ANAPC4: variants seen among roughly 807,000 people sequenced by gnomAD.
ANAPC4 encodes anaphase promoting complex subunit 4, also known as anaphase-promoting complex subunit 4.
A neutral mutation model predicts 119.8 loss-of-function variants in ANAPC4; 63 were observed. The ratio of observed to expected loss-of-function variants is 0.53; its 90% CI spans 0.43 to 0.65. The LOEUF (loss-of-function observed/expected upper bound fraction) is 0.65. Among genes scored for constraint, ANAPC4 ranks in the 30% least tolerant of loss-of-function variants. ANAPC4 has a pLI of 0.00. For missense variants in ANAPC4, 716 were observed against 945.1 expected (o/e 0.76, Z 3.18); for synonymous variants, 283 against 318.6 (o/e 0.89, Z 1.19).
intron 22 of ANAPC4, 46 bp downstream of exon 22, chr4:25,413,788 C>A: frequency 7.1e-7 from 1 of 1,403,806 alleles, no homozygotes; most frequent in Non-Finnish European, 1.0e-6. Flanking sequence ...GCAATAGTGT[C>A]TACAGTATGT....
intron 7 of ANAPC4, 77 bp downstream of exon 7, chr4:25,388,959 C>T: frequency 1.7e-6 from 2 of 1,210,224 alleles, no homozygotes; most frequent in Non-Finnish European, 2.4e-6. Context: ...GCTTTAAGAG[C>T]AAATCCTTTA....
At chr4:25,406,911 C>G in intron 19 of ANAPC4, 26 bp downstream of exon 19, 2 of 1,520,896 alleles carry the variant, frequency 1.3e-6, no homozygotes, top group Non-Finnish European at 1.8e-6. Flanking sequence ...TTCTGTAATG[C>G]AGTTTAAAAA....
Position 25,383,268 on chromosome 4 carries a change from C to T in ANAPC4, c.243C>T (p.Ala81=). The T allele has an allele frequency of 6.3e-7, 1 of 1,593,734 alleles. No homozygotes were observed. The highest frequency in any genetic ancestry group is 1.4e-5 in the African/African-American group (1 of 74,042). Reference sequence around the variant, plus strand: ...TGTTTTTTCTTGTTTTAGTTTTGGCCTTTGCTCTTGCTGATACCAAGAAAA... The same window carrying T: ...TGTTTTTTCTTGTTTTAGTTTTGGCTTTTGCTCTTGCTGATACCAAGAAAA... ...LAWRPDGKLL[A]FALADTKKIV... Residue 81 remains alanine (A), a synonymous_variant, in exon 4 of 29, where the codon GCC becomes GCT. Transcript: ENST00000315368.
In ANAPC4 at chr4:25,414,203, A is replaced by G. The variant is rs546894529; in HGVS notation, c.1624-121A>G. 153 of 623,298 alleles carry G rather than the reference A, an allele frequency of 2.5e-4. No individual in the cohort carries two copies. The African/African-American group carries it at 2.5e-3, about 10-fold the overall frequency. 38.6% of individuals were successfully genotyped at this position (623,298 alleles called of 1,614,324 possible). A position where few individuals can be genotyped will look rare whatever the true frequency, so the allele number is the denominator to read the frequency against. On this transcript the variant is annotated intron_variant, in intron 22 of 28. Transcript: ENST00000315368. ...TTGTCATTAACGTTTCTTATGTACA[A>G]GGTTTGGTGATGTAGGCGATTTTTT...
intron 26 of ANAPC4, 33 bp from the exon 27 acceptor site, chr4:25,416,392 T>G (rs1328874167): frequency 7.2e-7 from 1 of 1,389,770 alleles, no homozygotes; most frequent in East Asian, 2.5e-5. Context: ...GTCACGATCA[T>G]CTTTGATATA....
chr4:25,414,274 T>C, intron 22 of ANAPC4, 50 bp from the exon 23 acceptor site: 2 of 1,271,378 alleles, frequency 1.6e-6, no homozygotes, highest in Non-Finnish European at 2.2e-6. Context: ...GTAGAGTATC[T>C]GTGTGCATAT....
intron 27 of ANAPC4, 102 bp downstream of exon 27, chr4:25,416,700 T>C: frequency 3.1e-6 from 3 of 959,852 alleles, no homozygotes; most frequent in Non-Finnish European, 4.3e-6. Flanking sequence ...GTTATTTCGT[T>C]ACTAGAGATA....
At chr4:25,397,407 G>A (rs1477709888) in intron 16 of ANAPC4, among the ~76,000 whole-genome samples, 4 of 152,036 alleles carry the variant, frequency 2.6e-5, no homozygotes, top group Admixed American at 2.6e-4. Context: ...CTGCAGCTGT[G>A]GTCCAGTTCT....
At chr4:25,395,932 C>T (rs1722624484) in intron 14 of ANAPC4, among the ~76,000 whole-genome samples, 2 of 152,188 alleles carry the variant, frequency 1.3e-5, no homozygotes, top group Admixed American at 6.5e-5. Flanking sequence ...CTTCTAATGC[C>T]TTCCGTTAGA....
At chr4:25,394,951 C>A in intron 14 of ANAPC4, 46 bp downstream of exon 14, 1 of 1,435,230 alleles carries the variant, frequency 7.0e-7, no homozygotes, top group Non-Finnish European at 9.6e-7. Flanking sequence ...CCACACATAC[C>A]TGGCGTTGGC....
intron 9 of ANAPC4, among the ~76,000 whole-genome samples, chr4:25,391,395 A>G (rs1339295397): frequency 2.6e-5 from 4 of 152,254 alleles, no homozygotes; most frequent in African/African-American, 9.6e-5. Flanking sequence ...GAATCTTCAC[A>G]GCATCATAAT....
intron 20 of ANAPC4, among the ~76,000 whole-genome samples, chr4:25,408,536 AATT>A (rs1439278557): frequency 1.7e-5 from 1 of 58,214 alleles, no homozygotes; most frequent in Non-Finnish European, 6.2e-5. Context: ...AAAAAAAAAA[AATT>A]TTTTTTTTTT....
intron 22 of ANAPC4, 123 bp from the exon 23 acceptor site, chr4:25,414,201 C>A: frequency 1.6e-6 from 1 of 620,024 alleles, no homozygotes; most frequent in Non-Finnish European, 2.7e-6. Flanking sequence ...TTCTTATGTA[C>A]AAGGTTTGGT....
chr4:25,386,834 G>T (rs1722063323), intron 4 of ANAPC4, among the ~76,000 whole-genome samples: 1 of 152,164 alleles, frequency 6.6e-6, no homozygotes, highest in African/African-American at 2.4e-5. Context: ...TCTTGTTGAA[G>T]CAGTAAACCT....
At chr4:25,390,518 A>G (rs756891909) in intron 8 of ANAPC4, among the ~76,000 whole-genome samples, 2 of 152,184 alleles carry the variant, frequency 1.3e-5, no homozygotes, top group African/African-American at 4.8e-5. Context: ...AAGAGCTTCA[A>G]TTTGTGATTG....
chr4:25,409,089 TA>T (rs1011906086), intron 20 of ANAPC4, among the ~76,000 whole-genome samples: 4 of 152,148 alleles, frequency 2.6e-5, no homozygotes, highest in Admixed American at 2.6e-4. Context: ...TAGCATAGTG[TA>T]AAGGGCAGGT....
intron 20 of ANAPC4, among the ~76,000 whole-genome samples, chr4:25,409,260 C>G (rs1208903687): frequency 6.6e-6 from 1 of 152,200 alleles, no homozygotes; most frequent in Non-Finnish European, 1.5e-5. Flanking sequence ...TTATAACTTG[C>G]ATATGTTAAA....
chr4:25,415,222 A>C lies in ANAPC4; in HGVS notation c.1827-244A>C, dbSNP rs371853993. ...AAAATGGTTTTAAACCTGAATTTGA[A>C]GAAAATGTTGAGACCACGATGTAAC... On this transcript the variant is annotated intron_variant, in intron 25 of 28. Transcript: ENST00000315368. The C allele has an allele frequency of 9.2e-5, 34 of 370,484 alleles. 1 individual carries two copies. The South Asian group carries it at 3.3e-3, about 36-fold the overall frequency. The allele number at this position is 370,484 out of a possible 1,614,324, so 22.9% of individuals were successfully genotyped here.
At chr4:25,401,223 A>T (rs935491888) in intron 16 of ANAPC4, among the ~76,000 whole-genome samples, 1 of 152,070 alleles carries the variant, frequency 6.6e-6, no homozygotes, top group African/African-American at 2.4e-5. Flanking sequence ...TTCTTTAAAT[A>T]CCAGATGCTT....
Sources: gnomAD v4.1 joint callset for allele counts (sites outside exome capture counted in the v4.1 genomes callset) on GRCh38, gnomAD v4.1.1 for gene constraint, MANE v1.5 for transcripts, NCBI Gene and HGNC (gene_info 2026-07-23, HGNC 2026-07-21) for gene names.